CNTRL: variants seen among roughly 807,000 people sequenced by gnomAD.
The protein encoded by CNTRL is 110 kDa centrosomal protein.
In CNTRL, 233 loss-of-function variants were observed where a neutral mutation model predicts 303.7. The ratio of observed to expected loss-of-function variants is 0.77; its 90% CI spans 0.69 to 0.86. The LOEUF (loss-of-function observed/expected upper bound fraction) is 0.86. Among genes scored for constraint, CNTRL ranks in the 40% least tolerant of loss-of-function variants. CNTRL has a pLI of 0.00. For missense variants in CNTRL, 2,524 were observed against 2,650.6 expected (o/e 0.95, Z 1.05); for synonymous variants, 900 against 922.2 (o/e 0.98, Z 0.44).
rs879412316 is a variant in CNTRL, at chr9:121,115,580, C to CA, written c.1455+391dup. On this transcript the variant is annotated intron_variant, in intron 11 of 43. Transcript: ENST00000373855. ...ATGAACATTGTCATCAAACACAAGCCAAAAAAAAAAAGAGATATGTGGTAT... is the reference window on the plus strand; with the variant it reads ...ATGAACATTGTCATCAAACACAAGCCAAAAAAAAAAAAGAGATATGTGGTAT... 8.9e-4 allele frequency among the ~76,000 whole-genome samples: 118 copies of CA among 133,304 alleles called. 1 individual carries two copies. The highest frequency in any genetic ancestry group is 1.6e-3 in the Admixed American group (22 of 13,440). 87.5% of individuals were successfully genotyped at this position (133,304 alleles called of 152,430 possible). A position where few individuals can be genotyped will look rare whatever the true frequency, so the allele number is the denominator to read the frequency against.
intron 7 of CNTRL, among the ~76,000 whole-genome samples, chr9:121,098,829 CA>C (rs66692307): frequency 1.1e-4 from 16 of 142,584 alleles, no homozygotes; most frequent in Admixed American, 4.1e-4. Context: ...AGAAGACAGA[CA>C]AAAAAAAAAA....
chr9:121,165,307 A>G (rs2053042768), intron 35 of CNTRL, among the ~76,000 whole-genome samples: 1 of 127,130 alleles, frequency 7.9e-6, no homozygotes, highest in Non-Finnish European at 1.8e-5. Context: ...TTTTATCTCA[A>G]TAAAGTCAGT....
At chr9:121,099,638 C>T (rs981998512) in intron 7 of CNTRL, among the ~76,000 whole-genome samples, 6 of 152,054 alleles carry the variant, frequency 3.9e-5, no homozygotes, top group Admixed American at 6.6e-5. Flanking sequence ...TTGAACCCAT[C>T]GCAAAGAAAG....
Position 121,154,710 on chromosome 9 carries a change from T to C in CNTRL, c.4173-11T>C. ...TAACATTTTTTAATGGGTGTATATA[T>C]TATTTTTTAGGGACTTCATTGATGG... On this transcript the variant is annotated splice_polypyrimidine_tract_variant and intron_variant, in intron 26 of 43. Transcript: ENST00000373855. 1 of 1,547,858 alleles carries C rather than the reference T, an allele frequency of 6.5e-7. No individual in the cohort carries two copies. The highest frequency in any genetic ancestry group is 8.9e-7 in the Non-Finnish European group (1 of 1,122,222).
intron 10 of CNTRL, among the ~76,000 whole-genome samples, chr9:121,114,490 C>T (rs141410180): frequency 2.6e-5 from 4 of 152,070 alleles, no homozygotes; most frequent in Non-Finnish European, 5.9e-5. Flanking sequence ...TTTATGTCTG[C>T]GTATACTATA....
chr9:121,171,839 C>A (rs537271014), intron 40 of CNTRL, among the ~76,000 whole-genome samples: 2 of 152,252 alleles, frequency 1.3e-5, no homozygotes, highest in East Asian at 3.9e-4. Flanking sequence ...TGTTGAAATG[C>A]TAGATTTTAT....
intron 13 of CNTRL, among the ~76,000 whole-genome samples, chr9:121,125,399 T>G (rs1588171926): frequency 6.6e-6 from 1 of 152,108 alleles, no homozygotes; most frequent in Non-Finnish European, 1.5e-5. Context: ...GACCTCATGA[T>G]CCGCCTGCCT....
chr9:121,141,919 C>T (rs2051537171), intron 18 of CNTRL, among the ~76,000 whole-genome samples, 172 bp from the exon 19 acceptor site: 1 of 152,184 alleles, frequency 6.6e-6, no homozygotes, highest in Non-Finnish European at 1.5e-5. Flanking sequence ...AAGAGGCAAA[C>T]ATTCCAATGA....
At chr9:121,119,470 AT>A (rs2050134740) in intron 12 of CNTRL, among the ~76,000 whole-genome samples, 1 of 151,572 alleles carries the variant, frequency 6.6e-6, no homozygotes. Flanking sequence ...TGATTTTTGT[AT>A]TTTTAGTAGA....
intron 29 of CNTRL, 23 bp downstream of exon 29, chr9:121,157,903 T>C: frequency 6.2e-7 from 1 of 1,613,788 alleles, no homozygotes; most frequent in East Asian, 2.2e-5. Flanking sequence ...TCTGTAGGGC[T>C]ACAAGGGGTT....
chr9:121,126,301 G>T (rs774845059), intron 14 of CNTRL, among the ~76,000 whole-genome samples: 1 of 152,050 alleles, frequency 6.6e-6, no homozygotes, highest in Non-Finnish European at 1.5e-5. Context: ...TAGTCTTGTT[G>T]TTACTGGATA....
chr9:121,151,466 C>T (rs924876092), intron 25 of CNTRL, among the ~76,000 whole-genome samples: 11 of 139,322 alleles, frequency 7.9e-5, no homozygotes, highest in African/African-American at 2.9e-4. Flanking sequence ...TCTTGGCTCA[C>T]TGCAACCTCC....
At chr9:121,135,079 T>C (rs1238956047) in intron 14 of CNTRL, among the ~76,000 whole-genome samples, 1 of 152,216 alleles carries the variant, frequency 6.6e-6, no homozygotes, top group Non-Finnish European at 1.5e-5. Context: ...AATAGTTTGA[T>C]CCCAAGTAAA....
intron 14 of CNTRL, among the ~76,000 whole-genome samples, chr9:121,130,929 G>A (rs1021216579): frequency 1.3e-5 from 2 of 152,110 alleles, no homozygotes; most frequent in African/African-American, 2.4e-5. Flanking sequence ...GTTTCCATGT[G>A]GTTGAGTGGT....
chr9:121,122,407 G>T (rs1347327598), intron 12 of CNTRL: 3 of 985,072 alleles, frequency 3.0e-6, no homozygotes, highest in Non-Finnish European at 3.6e-6. Context: ...ATGAAGAGAC[G>T]TTTCTTTCTT....
intron 11 of CNTRL, among the ~76,000 whole-genome samples, chr9:121,116,380 A>T (rs1013189032): frequency 2.9e-5 from 4 of 138,358 alleles, no homozygotes; most frequent in East Asian, 2.2e-4. Flanking sequence ...TTTATTTTTT[A>T]TTTTTATTTT....
Position 121,123,965 on chromosome 9 carries a change from A to C in CNTRL, c.1685A>C (p.Gln562Pro). Residue 562 changes from glutamine to proline, a missense_variant, in exon 13 of 44, where the codon CAA becomes CCA. Coordinates refer to ENST00000373855, the MANE Select transcript of CNTRL (RefSeq NM_007018.6). ...HMKAQKSGKE[Q>P]QLDIMNKQYQ... ...AAGGCTCAAAAGAGCGGTAAAGAAC[A>C]ACAGCTTGACATTATGAACAAGCAG... 6.2e-7 allele frequency: 1 copy of C among 1,609,816 alleles called. No homozygotes were observed. The highest frequency in any genetic ancestry group is 1.1e-5 in the South Asian group (1 of 89,888).
chr9:121,141,675 T>C, intron 18 of CNTRL, 87 bp downstream of exon 18: 1 of 1,192,260 alleles, frequency 8.4e-7, no homozygotes, highest in Non-Finnish European at 1.2e-6. Context: ...CTTTGTCATG[T>C]AAATACAACA....
chr9:121,086,633 C>CTTT (rs60828602), intron 2 of CNTRL, among the ~76,000 whole-genome samples: 97 of 119,194 alleles, frequency 8.1e-4, no homozygotes, highest in East Asian at 5.9e-3. Flanking sequence ...GCTGGATTTA[C>CTTT]TTTTTTTTTT....
Sources: gnomAD v4.1 joint callset for allele counts (sites outside exome capture counted in the v4.1 genomes callset) on GRCh38, gnomAD v4.1.1 for gene constraint, MANE v1.5 for transcripts, NCBI Gene and HGNC (gene_info 2026-07-23, HGNC 2026-07-21) for gene names.